ZFAT: variants seen among roughly 807,000 people sequenced by gnomAD.
ZFAT encodes zinc finger protein ZFAT.
Under a neutral mutation model 117.7 loss-of-function variants are expected in ZFAT, and 64 were observed. The observed-to-expected ratio is 0.54, with a 90% CI of 0.44 to 0.67. The LOEUF (loss-of-function observed/expected upper bound fraction) is 0.67, where lower values mean the gene tolerates loss of function less well. ZFAT is among the 30% of genes least tolerant of loss of function. The pLI is 0.00. For synonymous variants in ZFAT, 679 were observed against 615.0 expected (o/e 1.10, Z -1.54); for missense variants, 1,433 against 1,584.5 (o/e 0.90, Z 1.62).
chr8:134,771,422 C>G, the ZFAT span, among the ~76,000 whole-genome samples: 1 of 152,190 alleles, frequency 6.6e-6, no homozygotes, highest in African/African-American at 2.4e-5. Context: ...TCATCTCTCT[C>G]AAGTTCAAAG....
At chr8:134,717,466 C>G (rs1203964242), upstream of ZFAT, among the ~76,000 whole-genome samples, 2 of 19,334 alleles carry the variant, frequency 1.0e-4, no homozygotes, top group African/African-American at 2.1e-4. Flanking sequence ...AATAACAACT[C>G]TTTTTTTTTT....
chr8:134,512,139 T>C (rs1260066029), intron 14 of ZFAT, among the ~76,000 whole-genome samples: 5 of 152,142 alleles, frequency 3.3e-5, no homozygotes, highest in Non-Finnish European at 5.9e-5. Context: ...TAGCCAACCA[T>C]TAACAATGAA....
chr8:134,789,635 G>A, the ZFAT span, among the ~76,000 whole-genome samples: 2 of 152,156 alleles, frequency 1.3e-5, no homozygotes, highest in African/African-American at 4.8e-5. Flanking sequence ...CTACATGGTA[G>A]AGAGTGGATC....
At chr8:134,538,320 C>G (rs988073174) in intron 11 of ZFAT, among the ~76,000 whole-genome samples, 2 of 152,078 alleles carry the variant, frequency 1.3e-5, no homozygotes, top group African/African-American at 2.4e-5. Flanking sequence ...GAAGGGGCCT[C>G]CCCAGTGTCC....
the ZFAT span, among the ~76,000 whole-genome samples, chr8:134,731,055 C>T: frequency 1.3e-5 from 2 of 152,040 alleles, no homozygotes; most frequent in East Asian, 1.9e-4. Context: ...GCATCAAAGT[C>T]GGGGGCAGAA....
chr8:134,704,707 A>G (rs1333628751), intron 1 of ZFAT, among the ~76,000 whole-genome samples: 1 of 152,198 alleles, frequency 6.6e-6, no homozygotes. Context: ...GAGTGAACTG[A>G]TGCATAATTT....
At chr8:134,761,576 TG>T in the ZFAT span, among the ~76,000 whole-genome samples, 1 of 151,868 alleles carries the variant, frequency 6.6e-6, no homozygotes, top group Non-Finnish European at 1.5e-5. Flanking sequence ...GGCAAATGCC[TG>T]TAGTCCCAGC....
chr8:134,614,596 T>C (rs1435527866), intron 3 of ZFAT, among the ~76,000 whole-genome samples: 1 of 152,322 alleles, frequency 6.6e-6, no homozygotes, highest in East Asian at 1.9e-4. Flanking sequence ...CCATGACTTC[T>C]TGGGATTTTA....
intron 3 of ZFAT, among the ~76,000 whole-genome samples, chr8:134,636,450 CTTAA>C (rs1408122287): frequency 6.6e-6 from 1 of 152,178 alleles, no homozygotes; most frequent in Non-Finnish European, 1.5e-5. Flanking sequence ...TCCTATCTTA[CTTAA>C]TTGTCAAAGC....
chr8:134,493,819 T>C (rs563045215), intron 15 of ZFAT, among the ~76,000 whole-genome samples: 2 of 152,154 alleles, frequency 1.3e-5, no homozygotes, highest in African/African-American at 2.4e-5. Context: ...CACACCATCA[T>C]GCCATGGCCA....
At chr8:134,492,317 G>A (rs917022694) in intron 15 of ZFAT, among the ~76,000 whole-genome samples, 5 of 152,016 alleles carry the variant, frequency 3.3e-5, no homozygotes, top group South Asian at 2.1e-4. Flanking sequence ...TCCATACCTC[G>A]AGATCAAAGG....
At chr8:134,574,833 C>T (rs62525562) in intron 10 of ZFAT, among the ~76,000 whole-genome samples, 38,846 of 151,862 alleles carry the variant, frequency 0.26, 5,324 homozygotes, top group East Asian at 0.52. Context: ...TCCAGTCTTA[C>T]TGAAAAAGGT....
At chr8:134,509,330 C>G (rs1819640444) in intron 15 of ZFAT, among the ~76,000 whole-genome samples, 1 of 152,154 alleles carries the variant, frequency 6.6e-6, no homozygotes, top group Admixed American at 6.5e-5. Flanking sequence ...CAATGGTCCA[C>G]ATCATGCTCA....
the ZFAT span, among the ~76,000 whole-genome samples, chr8:134,754,436 A>G: frequency 6.6e-6 from 1 of 152,254 alleles, no homozygotes; most frequent in South Asian, 2.1e-4. Context: ...TGATTAGGCC[A>G]AGGTCGTCCA....
At chr8:134,491,101 TA>T (rs2130134019) in intron 15 of ZFAT, among the ~76,000 whole-genome samples, 1 of 152,342 alleles carries the variant, frequency 6.6e-6, no homozygotes, top group Non-Finnish European at 1.5e-5. Context: ...GTCACAAGGA[TA>T]AAAATAAACA....
At chr8:134,618,719 T>C (rs1828908842) in intron 3 of ZFAT, among the ~76,000 whole-genome samples, 1 of 152,248 alleles carries the variant, frequency 6.6e-6, no homozygotes. Flanking sequence ...AGTGTCCATA[T>C]TCAAACAAAA....
chr8:134,593,213 G>A (rs948117996), intron 7 of ZFAT, among the ~76,000 whole-genome samples: 4 of 152,182 alleles, frequency 2.6e-5, no homozygotes, highest in African/African-American at 9.7e-5. Flanking sequence ...GATCTCCCCT[G>A]AGCCTCTGCT....
chr8:134,743,680 C>T, the ZFAT span, among the ~76,000 whole-genome samples: 5 of 152,144 alleles, frequency 3.3e-5, no homozygotes, highest in African/African-American at 1.2e-4. Flanking sequence ...GTGCTTTTCA[C>T]AGTCTCACAG....
the ZFAT span, among the ~76,000 whole-genome samples, chr8:134,760,886 A>C: frequency 6.6e-6 from 1 of 152,214 alleles, no homozygotes; most frequent in East Asian, 1.9e-4. Context: ...AAGGGGAAAA[A>C]TTCCAGCTGG....
Sources: allele counts gnomAD v4.1 joint callset (sites outside exome capture counted in the v4.1 genomes callset), GRCh38; gene constraint gnomAD v4.1.1; transcripts MANE v1.5; gene names NCBI Gene and HGNC (gene_info 2026-07-23, HGNC 2026-07-21).